The following ERG variants were observed in gnomAD, a reference collection of about 807,000 sequenced individuals.
The protein encoded by ERG is transcriptional regulator ERG.
ERG carries 9 observed loss-of-function variants against 55.3 expected under a neutral mutation model. That is an observed-to-expected ratio of 0.16 (90% CI 0.10 to 0.28). ERG has a LOEUF of 0.28. Among genes scored for constraint, ERG ranks in the 10% least tolerant of loss-of-function variants. The pLI, the probability that ERG is intolerant of heterozygous loss-of-function variation, is 1.00. For synonymous variants in ERG, 223 were observed against 237.3 expected (o/e 0.94, Z 0.55); for missense variants, 434 against 631.6 (o/e 0.69, Z 3.35).
intron 2 of ERG, among the ~76,000 whole-genome samples, chr21:38,549,104 CT>C (rs2059807488): frequency 6.6e-6 from 1 of 151,950 alleles, no homozygotes; most frequent in African/African-American, 2.4e-5. Flanking sequence ...CAGAGCAAGA[CT>C]CTGTCTCAAA....
chr21:38,576,829 G>T (rs986473818), intron 1 of ERG, among the ~76,000 whole-genome samples: 1 of 151,962 alleles, frequency 6.6e-6, no homozygotes, highest in African/African-American at 2.4e-5. Flanking sequence ...CTCCCTGGGC[G>T]CTTGGTTATG....
At chr21:38,495,556 A>G (rs2059372553) in intron 1 of ERG, among the ~76,000 whole-genome samples, 1 of 152,182 alleles carries the variant, frequency 6.6e-6, no homozygotes, top group Non-Finnish European at 1.5e-5. Context: ...CTTTTTACAC[A>G]TTAAGTATCT....
chr21:38,517,955 G>A (rs1231037923), intron 2 of ERG, among the ~76,000 whole-genome samples: 1 of 152,132 alleles, frequency 6.6e-6, no homozygotes, highest in Admixed American at 6.6e-5. Context: ...AGGCTGAGCA[G>A]AGAGTGGGAG....
intron 3 of ERG, among the ~76,000 whole-genome samples, chr21:38,407,634 G>GTGTATATA (rs1555894514): frequency 6.1e-4 from 2 of 3,296 alleles, no homozygotes; most frequent in African/African-American, 1.1e-3. Context: ...CTTACAAAAG[G>GTGTATATA]TATATATATA....
intron 1 of ERG, among the ~76,000 whole-genome samples, chr21:38,472,531 TC>T (rs941655688): frequency 6.6e-6 from 1 of 152,018 alleles, no homozygotes; most frequent in East Asian, 1.9e-4. Context: ...ACTCTAACTC[TC>T]CCCTGAAAAC....
intron 1 of ERG, among the ~76,000 whole-genome samples, chr21:38,453,105 G>A (rs749068742): frequency 2.3e-4 from 35 of 152,152 alleles, no homozygotes; most frequent in Non-Finnish European, 3.7e-4. Context: ...GGAGTTCCAG[G>A]GAGTTTGGAA....
At chr21:38,439,687 C>G (rs896313422) in intron 2 of ERG, among the ~76,000 whole-genome samples, 1 of 152,250 alleles carries the variant, frequency 6.6e-6, no homozygotes, top group South Asian at 2.1e-4. Context: ...CCCACAAGGA[C>G]ATCCCAGTTG....
intron 2 of ERG, among the ~76,000 whole-genome samples, chr21:38,537,824 G>A (rs2059722920): frequency 6.6e-6 from 1 of 152,118 alleles, no homozygotes; most frequent in Non-Finnish European, 1.5e-5. Flanking sequence ...AAGATAGCAG[G>A]AAATTGAACT....
chr21:38,476,531 C>G (rs2059189484), intron 1 of ERG, among the ~76,000 whole-genome samples: 1 of 152,150 alleles, frequency 6.6e-6, no homozygotes, highest in Non-Finnish European at 1.5e-5. Flanking sequence ...AATGGCCATG[C>G]AAAAATCAGT....
chr21:38,578,712 G>T (rs1302833860), intron 1 of ERG, among the ~76,000 whole-genome samples: 1 of 152,076 alleles, frequency 6.6e-6, no homozygotes, highest in Non-Finnish European at 1.5e-5. Context: ...CCCCAGACAT[G>T]GGAGGGAGGC....
intron 1 of ERG, among the ~76,000 whole-genome samples, chr21:38,607,494 T>C (rs1427930936): frequency 6.6e-6 from 1 of 152,068 alleles, no homozygotes; most frequent in Non-Finnish European, 1.5e-5. Flanking sequence ...TAGCCGGGCA[T>C]GGTGGCGGGC....
intron 1 of ERG, among the ~76,000 whole-genome samples, chr21:38,602,879 T>G (rs1166237748): frequency 6.6e-6 from 1 of 151,900 alleles, no homozygotes; most frequent in African/African-American, 2.4e-5. Context: ...ACGATTCCAG[T>G]GGGAATGAAT....
intron 3 of ERG, among the ~76,000 whole-genome samples, chr21:38,407,815 TA>T (rs1988846845): frequency 1.4e-5 from 2 of 147,220 alleles, no homozygotes; most frequent in African/African-American, 2.5e-5. Context: ...AAGCATTTTA[TA>T]AAAAGTATAA....
intron 1 of ERG, among the ~76,000 whole-genome samples, chr21:38,607,568 A>AGCTT (rs2060203609): frequency 6.6e-6 from 1 of 152,092 alleles, no homozygotes; most frequent in Non-Finnish European, 1.5e-5. Flanking sequence ...CGGGAGGCTG[A>AGCTT]GCTTGCAGTG....
intron 2 of ERG, among the ~76,000 whole-genome samples, chr21:38,565,552 G>A (rs1271462909): frequency 2.0e-5 from 3 of 152,154 alleles, no homozygotes; most frequent in Non-Finnish European, 4.4e-5. Context: ...TTACTTGAAA[G>A]TGCCAGGAGA....
intron 1 of ERG, among the ~76,000 whole-genome samples, chr21:38,649,866 C>T (rs900814119): frequency 1.3e-5 from 2 of 152,222 alleles, no homozygotes; most frequent in African/African-American, 2.4e-5. Context: ...CCTTACGTGA[C>T]CCTACAATGA....
At chr21:38,527,591 T>A (rs149434896) in intron 2 of ERG, among the ~76,000 whole-genome samples, 2 of 152,082 alleles carry the variant, frequency 1.3e-5, no homozygotes, top group Admixed American at 1.3e-4. Context: ...TTGATTGCAG[T>A]TTTCTGCCTC....
chr21:38,495,215 T>C (rs886452908), intron 1 of ERG, among the ~76,000 whole-genome samples: 2 of 152,250 alleles, frequency 1.3e-5, no homozygotes, highest in African/African-American at 2.4e-5. Flanking sequence ...TCACATGTGA[T>C]AGCAAACGTT....
chr21:38,477,481 C>G (rs998870271), intron 1 of ERG, among the ~76,000 whole-genome samples: 2 of 152,004 alleles, frequency 1.3e-5, no homozygotes, highest in African/African-American at 4.8e-5. Flanking sequence ...TTGCCTTTAT[C>G]AGCATTTGCC....
Sources: allele counts gnomAD v4.1 joint callset (sites outside exome capture counted in the v4.1 genomes callset), GRCh38; gene constraint gnomAD v4.1.1; transcripts MANE v1.5; gene names NCBI Gene and HGNC (gene_info 2026-07-23, HGNC 2026-07-21).